ERVFRD-1: variants seen among roughly 807,000 people sequenced by gnomAD.
The protein encoded by ERVFRD-1 is endogenous retrovirus group FRD member 1, envelope, also known as syncytin-2.
Under a neutral mutation model 43.8 loss-of-function variants are expected in ERVFRD-1, and 33 were observed. The ratio of observed to expected loss-of-function variants is 0.75; its 90% CI spans 0.57 to 1.01. The LOEUF (loss-of-function observed/expected upper bound fraction) is 1.01, where lower values mean the gene tolerates loss of function less well. Ranked by LOEUF, ERVFRD-1 falls within the 50% of genes least tolerant of loss-of-function variation. The probability of loss-of-function intolerance (pLI) is 0.00; values close to 1 mark genes in which losing one functional copy is unlikely to be tolerated. For missense variants in ERVFRD-1, 568 were observed against 658.4 expected (o/e 0.86, Z 1.50); for synonymous variants, 239 against 244.4 (o/e 0.98, Z 0.21).
At position 11,104,380 on chromosome 6, in the gene ERVFRD-1, TG is replaced by T; in HGVS notation, c.930del (p.Ser311ValfsTer9). 3.2e-6 allele frequency: 5 copies of T among 1,551,698 alleles called. No homozygotes were observed. The highest frequency in any genetic ancestry group is 4.4e-6 in the Non-Finnish European group (5 of 1,146,994). The stretch of plus-strand genomic sequence containing the variant: ...ATGGTACAAGTTCCAGTCCAGTTAC[TG>T]GGGAGGCATTGGTGAATCGACTGGC... ...ICGQSIHQCL[P>X]SNWTGTCTIG... is the part of the protein sequence containing the mutation. On this transcript the variant is annotated frameshift_variant, in exon 2 of 2. Transcript: ENST00000472091. LOFTEE classifies it high-confidence loss of function.
In ERVFRD-1 at chr6:11,102,770, C is replaced by G. The variant is rs1363075066; in HGVS notation, c.*924G>C. 1 of 152,176 alleles carries G rather than the reference C, an allele frequency of 6.6e-6. No homozygotes were observed. The highest frequency in any genetic ancestry group is 1.5e-5 in the Non-Finnish European group (1 of 68,038). 9.4% of individuals were successfully genotyped at this position (152,176 alleles called of 1,614,324 possible). ...GGTGGAACTGTTACCAGCAGCAAATCCAATGGGTCTGCAGCAGACTCCATC... is the reference window on the plus strand; with the variant it reads ...GGTGGAACTGTTACCAGCAGCAAATGCAATGGGTCTGCAGCAGACTCCATC... On this transcript the variant is annotated 3_prime_UTR_variant, in exon 2 of 2. Coordinates refer to ENST00000472091, the MANE Select transcript of ERVFRD-1 (RefSeq NM_207582.3).
Position 11,105,094 on chromosome 6 carries a change from G to C in ERVFRD-1, c.217C>G (p.His73Asp), listed in dbSNP as rs1758064916. Residue 73 changes from histidine to aspartate, a missense_variant, in exon 2 of 2, where the codon CAT becomes GAT. His to Asp is a moderately conservative substitution (Grantham distance 81). Coordinates refer to ENST00000472091, the MANE Select transcript of ERVFRD-1 (RefSeq NM_207582.3). ...TTAGGGTCCCATCGATAGGAAATAT[G>C]TAATTCCGCCTCTATGCTTGTCCAT... ...REWTSIEAEL[H>D]ISYRWDPNLK... is the part of the protein sequence containing the mutation. The C allele has an allele frequency of 6.2e-7, 1 of 1,614,114 alleles. No homozygotes were observed. Among genetic ancestry groups the C allele is most frequent in the Admixed American group, 1.7e-5 (1 of 60,014 alleles).
chr6:11,109,701 T>TAG (rs1758140382), intron 1 of ERVFRD-1, among the ~76,000 whole-genome samples: 1 of 152,208 alleles, frequency 6.6e-6, no homozygotes, highest in African/African-American at 2.4e-5. Flanking sequence ...TTCCTGGTCC[T>TAG]AGAGCTTTTA....
In ERVFRD-1 at chr6:11,103,128, T is replaced by TGGA. The variant is rs1042797550; in HGVS notation, c.*563_*565dup. The stretch of plus-strand genomic sequence containing the variant: ...TTACTGAAGTTGTGCACGTGTTCAC[T>TGGA]GGAGGAGTTTTTCCCTTACCAGTCA... On this transcript the variant is annotated 3_prime_UTR_variant, in exon 2 of 2. Transcript: ENST00000472091. 6.5e-6 allele frequency: 1 copy of TGGA among 152,686 alleles called. No individual in the cohort carries two copies. The highest frequency in any genetic ancestry group is 1.5e-5 in the Non-Finnish European group (1 of 68,408). 9.5% of individuals were successfully genotyped at this position (152,686 alleles called of 1,614,324 possible).
rs956749454 is a variant in ERVFRD-1, at chr6:11,105,441, C to G, written c.-131G>C. The G allele has an allele frequency of 3.0e-5, 20 of 672,414 alleles. No homozygotes were observed. Among genetic ancestry groups the G allele is most frequent in the Non-Finnish European group, 4.8e-5 (19 of 393,436 alleles). 41.7% of individuals were successfully genotyped at this position (672,414 alleles called of 1,614,324 possible). ...AATTTCTAGTATTGGGATCACCTTA[C>G]TTTGAGGTGAAAGGATGTTGGTGGG... On this transcript the variant is annotated 5_prime_UTR_variant, in exon 2 of 2. Transcript: ENST00000472091.
intron 1 of ERVFRD-1, among the ~76,000 whole-genome samples, chr6:11,109,766 G>A (rs1758141176): frequency 6.6e-6 from 1 of 152,084 alleles, no homozygotes; most frequent in South Asian, 2.1e-4. Flanking sequence ...TTAGGGTTTG[G>A]GAGTCAAACT....
At chr6:11,106,662 A>T (rs1758088023) in intron 1 of ERVFRD-1, among the ~76,000 whole-genome samples, 1 of 152,224 alleles carries the variant, frequency 6.6e-6, no homozygotes, top group Non-Finnish European at 1.5e-5. Context: ...AGAGCAGTTC[A>T]CTGGGGAGAG....
chr6:11,104,941 G>A lies in ERVFRD-1; in HGVS notation c.370C>T (p.Pro124Ser). The change falls in exon 2 of 2, where the codon CCT becomes TCT. Residue 124 changes from proline (P) to serine (S), a missense_variant. Pro to Ser is a moderately conservative substitution (Grantham distance 74). Coordinates refer to ENST00000472091, the MANE Select transcript of ERVFRD-1 (RefSeq NM_207582.3). ...FTNINLMGIA[P>S]ICVMAKRKNG... Reference sequence around the variant, plus strand: ...TTCCTTTTGGCCATAACACAAATAGGGGCTATTCCCATTAGGTTGATATTA... The same window carrying A: ...TTCCTTTTGGCCATAACACAAATAGAGGCTATTCCCATTAGGTTGATATTA... 3.1e-6 allele frequency: 5 copies of A among 1,614,138 alleles called. No homozygotes were observed. The highest frequency in any genetic ancestry group is 4.2e-6 in the Non-Finnish European group (5 of 1,180,038).
At chr6:11,107,468 A>C (rs574960003) in intron 1 of ERVFRD-1, among the ~76,000 whole-genome samples, 4 of 152,182 alleles carry the variant, frequency 2.6e-5, no homozygotes, top group African/African-American at 9.7e-5. Flanking sequence ...AGGTCCTGCA[A>C]ATCTCTAGCC....
In ERVFRD-1 at chr6:11,104,543, G is replaced by A; in HGVS notation, c.768C>T (p.Val256=). ...TGGTGGCTATAGTCATGCCTGCTAA[G>A]ACTTGGACGCAGGGTGTTTGGCTCT... ...ANQSQTPCVQ[V]LAGMTIATSY... is the part of the protein sequence containing the mutation. The change falls in exon 2 of 2, where the codon GTC becomes GTT. Residue 256 remains valine, a synonymous_variant. Coordinates refer to ENST00000472091, the MANE Select transcript of ERVFRD-1 (RefSeq NM_207582.3). The A allele has an allele frequency of 6.3e-7, 1 of 1,588,226 alleles. No homozygotes were observed. The highest frequency in any genetic ancestry group is 8.6e-7 in the Non-Finnish European group (1 of 1,166,370).
rs201709473 is a variant in ERVFRD-1 at position 11,104,757 on chromosome 6, A to C, written c.554T>G (p.Leu185Trp). 134 of 1,614,122 alleles carry C rather than the reference A, an allele frequency of 8.3e-5. 1 individual carries two copies. Among genetic ancestry groups the C allele is most frequent in the Admixed American group, 2.5e-4 (15 of 60,008 alleles). The change falls in exon 2 of 2, where the codon TTG (leucine) becomes TGG (tryptophan). Residue 185 changes from leucine (L) to tryptophan (W), a missense_variant. Transcript: ENST00000472091. ...GCAAAACCGGCTGGATTTATCTAGC[A>C]AAGTTCCCTGAGGAAAAGTAATATT... ...PPNITFPQGT[L>W]LDKSSRFCQG...
Position 11,105,399 on chromosome 6 carries a change from A to G in ERVFRD-1, c.-89T>C. ...TAGGGTTAAAATAGTGATAACAATC[A>G]GAGCAATTGCCAGTAAAATTTCTAG... On this transcript the variant is annotated 5_prime_UTR_variant, in exon 2 of 2. Coordinates refer to ENST00000472091, the MANE Select transcript of ERVFRD-1 (RefSeq NM_207582.3). The G allele has an allele frequency of 1.0e-6, 1 of 963,442 alleles. No homozygotes were observed. Among genetic ancestry groups the G allele is most frequent in the Non-Finnish European group, 1.5e-6 (1 of 648,684 alleles). 59.7% of individuals were successfully genotyped at this position (963,442 alleles called of 1,614,324 possible).
chr6:11,105,330 G>T lies in ERVFRD-1; in HGVS notation c.-20C>A. The T allele has an allele frequency of 6.3e-7, 1 of 1,578,642 alleles. No homozygotes were observed. The highest frequency in any genetic ancestry group is 8.6e-7 in the Non-Finnish European group (1 of 1,156,912). ...GCCCATGGTGACCTAAGAGAAACTG[G>T]TCACAAAACGAGCTGCCAATGGAAC... On this transcript the variant is annotated 5_prime_UTR_variant, in exon 2 of 2. Transcript: ENST00000472091.
intron 1 of ERVFRD-1, among the ~76,000 whole-genome samples, chr6:11,111,122 G>A (rs949401151): frequency 1.3e-5 from 2 of 152,224 alleles, no homozygotes; most frequent in African/African-American, 2.4e-5. Flanking sequence ...AGGGACATCC[G>A]TAAGGGAGTC....
At chr6:11,110,588 A>G (rs1758152126) in intron 1 of ERVFRD-1, among the ~76,000 whole-genome samples, 2 of 152,136 alleles carry the variant, frequency 1.3e-5, no homozygotes, top group Non-Finnish European at 2.9e-5. Context: ...ATGGAGGAAA[A>G]TTTGTATTTG....
chr6:11,104,910 C>G lies in ERVFRD-1; in HGVS notation c.401G>C (p.Gly134Ala). Residue 134 changes from glycine (G) to alanine (A), a missense_variant, in exon 2 of 2, where the codon GGA (glycine) becomes GCA (alanine). Gly to Ala is a moderately conservative substitution (Grantham distance 60). Transcript: ENST00000472091. ...PICVMAKRKNGTNVGTLPSTV... is the reference protein window; with the variant it reads ...PICVMAKRKNATNVGTLPSTV... ...ACTTGGAAGAGTGCCTACATTTGTT[C>G]CATTTTTCCTTTTGGCCATAACACA... 2 of 1,614,114 alleles carry G rather than the reference C, an allele frequency of 1.2e-6. No individual in the cohort carries two copies. The highest frequency in any genetic ancestry group is 4.5e-5 in the East Asian group (2 of 44,882).
intron 1 of ERVFRD-1, among the ~76,000 whole-genome samples, chr6:11,111,320 A>G (rs973936340): frequency 1.3e-5 from 2 of 152,198 alleles, no homozygotes; most frequent in African/African-American, 2.4e-5. Flanking sequence ...ATACAGAGAA[A>G]GGAAAATAGG....
chr6:11,105,153 G>A lies in ERVFRD-1; in HGVS notation c.158C>T (p.Thr53Ile). The change falls in exon 2 of 2, where the codon ACA becomes ATA. Residue 53 changes from threonine to isoleucine, a missense_variant. Transcript: ENST00000472091. ...CWLCTSSSTE[T>I]PGTAYPASPR... ...CGAGGCTGGATAAGCTGTCCCTGGT[G>A]TTTCAGTGGAAGAGCTAGTACATAA... 1 of 1,614,202 alleles carries A rather than the reference G, an allele frequency of 6.2e-7. No individual in the cohort carries two copies. The highest frequency in any genetic ancestry group is 1.1e-5 in the South Asian group (1 of 91,084).
At position 11,108,447 on chromosome 6, in the gene ERVFRD-1, C is replaced by G. The variant is rs559810891; in HGVS notation, c.-320-2817G>C. Among the ~76,000 whole-genome samples, 3 of 152,296 alleles carry G rather than the reference C, an allele frequency of 2.0e-5. No individual in the cohort carries two copies. In the South Asian group the frequency reaches 6.2e-4, roughly 32 times the overall value. ...GATGTCCTGAGGGCCTTTCAGCTTT[C>G]AGGGTAGTCCTGTTTCCCAGTGGCC... is the stretch of plus-strand genomic sequence containing the variant. On this transcript the variant is annotated intron_variant, in intron 1 of 1. Coordinates refer to ENST00000472091, the MANE Select transcript of ERVFRD-1 (RefSeq NM_207582.3).
Sources: allele counts gnomAD v4.1 joint callset (sites outside exome capture counted in the v4.1 genomes callset), GRCh38; gene constraint gnomAD v4.1.1; transcripts MANE v1.5; gene names NCBI Gene and HGNC (gene_info 2026-07-23, HGNC 2026-07-21).